The following RGS17 variants were observed in gnomAD, a reference collection of about 807,000 sequenced individuals.
The protein encoded by RGS17 is regulator of G-protein signaling 17.
RGS17 carries 12 observed loss-of-function variants against 25.5 expected under a neutral mutation model. That is an observed-to-expected ratio of 0.47 (90% CI 0.30 to 0.76). The LOEUF is 0.76. Among genes scored for constraint, RGS17 ranks in the 30% least tolerant of loss-of-function variants. The pLI, the probability that RGS17 is intolerant of heterozygous loss-of-function variation, is 0.07. For missense variants in RGS17, 196 were observed against 242.2 expected (o/e 0.81, Z 1.27); for synonymous variants, 71 against 76.9 (o/e 0.92, Z 0.40).
intron 1 of RGS17, among the ~76,000 whole-genome samples, chr6:153,079,171 G>A (rs546481218): frequency 4.4e-4 from 67 of 151,946 alleles, no homozygotes; most frequent in African/African-American, 1.4e-3. Context: ...TCTGCCTGCC[G>A]GGTTCAAGCA....
intron 1 of RGS17, among the ~76,000 whole-genome samples, chr6:153,126,530 G>T (rs577704966): frequency 6.6e-6 from 1 of 152,018 alleles, no homozygotes; most frequent in South Asian, 2.1e-4. Flanking sequence ...AAACAAATAA[G>T]AAAAATGTAC....
At chr6:153,116,454 A>G (rs1203686721) in intron 1 of RGS17, among the ~76,000 whole-genome samples, 2 of 152,188 alleles carry the variant, frequency 1.3e-5, no homozygotes, top group East Asian at 1.9e-4. Context: ...GAGAAATAGG[A>G]ACGCTTTTAC....
Position 153,005,402 on chromosome 6 carries a change from T to C in RGS17, c.*6172A>G, listed in dbSNP as rs1490153678. Reference sequence around the variant, plus strand: ...CCTAATATTAGTGTTTAGAATTTGTTTAGCTCAGTGTAAATGTCCAGAAAA... The same window carrying C: ...CCTAATATTAGTGTTTAGAATTTGTCTAGCTCAGTGTAAATGTCCAGAAAA... On this transcript the variant is annotated 3_prime_UTR_variant, in exon 5 of 5. Transcript: ENST00000206262. The C allele has an allele frequency of 2.0e-5, 3 of 152,192 alleles. No individual in the cohort carries two copies. The highest frequency in any genetic ancestry group is 4.4e-5 in the Non-Finnish European group (3 of 68,038). 9.4% of individuals were successfully genotyped at this position (152,192 alleles called of 1,614,324 possible). A position where few individuals can be genotyped will look rare whatever the true frequency, so the allele number is the denominator to read the frequency against.
intron 1 of RGS17, among the ~76,000 whole-genome samples, chr6:153,121,377 AG>A (rs1473334135): frequency 3.3e-5 from 5 of 152,216 alleles, no homozygotes; most frequent in African/African-American, 1.2e-4. Context: ...TAACCAGACT[AG>A]AACTCTCTTG....
intron 4 of RGS17, among the ~76,000 whole-genome samples, chr6:153,020,131 T>A: frequency 1.1e-5 from 1 of 91,750 alleles, no homozygotes; most frequent in African/African-American, 4.4e-5. Context: ...TATATATATA[T>A]ATATATATTT....
rs996867819 is a variant in RGS17, at chr6:153,130,982, C to G, written c.-26+142G>C. On this transcript the variant is annotated intron_variant, in intron 1 of 4. Transcript: ENST00000206262. The surrounding 1 kb of genome is among the most constrained non-coding windows in gnomAD (Gnocchi z 6.4). ...GACCCCAGCGCCGCGCAGCCGCCCC[C>G]GCCGGGGCATGGGCGGTCGCGCTCT... is the stretch of plus-strand genomic sequence containing the variant. 35 of 140,118 alleles carry G rather than the reference C, an allele frequency of 2.5e-4. No individual in the cohort carries two copies. Among genetic ancestry groups the G allele is most frequent in the African/African-American group, 8.3e-4 (32 of 38,350 alleles). The allele number at this position is 140,118 out of a possible 1,614,324, so 8.7% of individuals were successfully genotyped here.
intron 1 of RGS17, among the ~76,000 whole-genome samples, chr6:153,127,776 G>C (rs1007572925): frequency 3.3e-5 from 5 of 152,162 alleles, no homozygotes; most frequent in Admixed American, 2.0e-4. Flanking sequence ...CAAAGATGTA[G>C]GACCATAAAC....
In RGS17 at chr6:153,010,217, A is replaced by G. The variant is rs1407184627; in HGVS notation, c.*1357T>C. The G allele has an allele frequency of 2.0e-5, 3 of 151,992 alleles. No individual in the cohort carries two copies. Among genetic ancestry groups the G allele is most frequent in the African/African-American group, 7.2e-5 (3 of 41,454 alleles). 9.4% of individuals were successfully genotyped at this position (151,992 alleles called of 1,614,324 possible). ...GGGGATATTAATATTCAAATGTAAC[A>G]CTTTGATATAAATATGACACTGATT... On this transcript the variant is annotated 3_prime_UTR_variant, in exon 5 of 5. Transcript: ENST00000206262.
chr6:153,019,469 T>G (rs76169632), intron 4 of RGS17, among the ~76,000 whole-genome samples: 3,005 of 152,328 alleles, frequency 0.02, 136 homozygotes, highest in South Asian at 0.16. Context: ...CCCACCCTAA[T>G]CACAGGTTGA....
At position 153,043,886 on chromosome 6, in the gene RGS17, G is replaced by GT; in HGVS notation, c.119+13dup. ...CAAGCCTGGGTGTGGCATCCTACAG[G>GT]TAACATGACATACCAGGAGCAGCTG... is the stretch of plus-strand genomic sequence containing the variant. On this transcript the variant is annotated intron_variant, in intron 2 of 4. Transcript: ENST00000206262. 6.4e-7 allele frequency: 1 copy of GT among 1,562,438 alleles called. No homozygotes were observed. Among genetic ancestry groups the GT allele is most frequent in the Non-Finnish European group, 8.8e-7 (1 of 1,138,814 alleles).
rs1204062617 is a variant in RGS17, at chr6:153,005,090, T to C, written c.*6484A>G. The C allele has an allele frequency of 6.6e-6, 1 of 152,234 alleles. No individual in the cohort carries two copies. Among genetic ancestry groups the C allele is most frequent in the East Asian group, 1.9e-4 (1 of 5,200 alleles). 9.4% of individuals were successfully genotyped at this position (152,234 alleles called of 1,614,324 possible). On this transcript the variant is annotated 3_prime_UTR_variant, in exon 5 of 5. Transcript: ENST00000206262. ...TTAAAGCTAGCGGGAAATAGGTCTT[T>C]TACATTATTTCAATATTCAGTGTTC...
At chr6:153,023,400 C>A in intron 4 of RGS17, 1 of 507,858 alleles carries the variant, frequency 2.0e-6, no homozygotes, top group Non-Finnish European at 4.0e-6. Context: ...CCTCTATGTT[C>A]TCTAAGTGCT....
chr6:153,037,791 C>T (rs1476916786), intron 2 of RGS17, among the ~76,000 whole-genome samples: 1 of 152,112 alleles, frequency 6.6e-6, no homozygotes, highest in Non-Finnish European at 1.5e-5. Flanking sequence ...CAGCAATGAC[C>T]AATATGGAGT....
chr6:153,067,198 G>A (rs1190693197), intron 1 of RGS17, among the ~76,000 whole-genome samples: 1 of 152,030 alleles, frequency 6.6e-6, no homozygotes, highest in Admixed American at 6.6e-5. Context: ...CAGAAACACA[G>A]CTAGTATACT....
intron 2 of RGS17, among the ~76,000 whole-genome samples, chr6:153,040,205 G>A (rs978795626): frequency 1.1e-4 from 16 of 152,306 alleles, no homozygotes; most frequent in African/African-American, 3.8e-4. Context: ...GTGCCTCTAT[G>A]ACAGAGATAG....
chr6:153,121,655 T>C (rs1777633451), intron 1 of RGS17, among the ~76,000 whole-genome samples: 1 of 152,224 alleles, frequency 6.6e-6, no homozygotes, highest in Non-Finnish European at 1.5e-5. Flanking sequence ...ATTTATTCAC[T>C]GCTGTTATTT....
At chr6:153,112,092 A>G (rs1464301674) in intron 1 of RGS17, among the ~76,000 whole-genome samples, 1 of 152,216 alleles carries the variant, frequency 6.6e-6, no homozygotes, top group African/African-American at 2.4e-5. Flanking sequence ...AGTTTGACGA[A>G]TTGACAGAAG....
chr6:153,074,571 G>A (rs1320795333), intron 1 of RGS17, among the ~76,000 whole-genome samples: 1 of 152,160 alleles, frequency 6.6e-6, no homozygotes, highest in Non-Finnish European at 1.5e-5. Flanking sequence ...TACAACTGTG[G>A]AGCAGATGGA....
Position 153,123,492 on chromosome 6 carries a change from G to A in RGS17, c.-26+7632C>T, listed in dbSNP as rs73785762. 3.9e-3 allele frequency among the ~76,000 whole-genome samples: 592 copies of A among 152,194 alleles called. 1 individual carries two copies. The highest frequency in any genetic ancestry group is 0.013 in the African/African-American group (553 of 41,530). ...AGAACGGGTTTGAAGTCTTCACTCT[G>A]ATCTTATAAATCATACAAAATCTTT... On this transcript the variant is annotated intron_variant, in intron 1 of 4. Coordinates refer to ENST00000206262, the MANE Select transcript of RGS17 (RefSeq NM_012419.5).
Sources: gnomAD v4.1 joint callset for allele counts (sites outside exome capture counted in the v4.1 genomes callset) on GRCh38, gnomAD v4.1.1 for gene constraint, Gnocchi (gnomAD v3.1) non-coding constraint, MANE v1.5 for transcripts, NCBI Gene and HGNC (gene_info 2026-07-23, HGNC 2026-07-21) for gene names.